PGM2L1: variants seen among roughly 807,000 people sequenced by gnomAD.
The protein encoded by PGM2L1 is phosphoglucomutase 2 like 1, also known as glucose 1,6-bisphosphate synthase.
A neutral mutation model predicts 73.4 loss-of-function variants in PGM2L1; 35 were observed. That is an observed-to-expected ratio of 0.48 (90% CI 0.36 to 0.63). The LOEUF (loss-of-function observed/expected upper bound fraction) is 0.63, where lower values mean the gene tolerates loss of function less well. PGM2L1 is among the 30% of genes least tolerant of loss of function. The probability of loss-of-function intolerance (pLI) is 0.00; values close to 1 mark genes in which losing one functional copy is unlikely to be tolerated. For missense variants in PGM2L1, 570 were observed against 742.0 expected (o/e 0.77, Z 2.69); for synonymous variants, 225 against 253.8 (o/e 0.89, Z 1.08).
intron 12 of PGM2L1, among the ~76,000 whole-genome samples, chr11:74,340,172 C>T (rs1862162069): frequency 6.6e-6 from 1 of 152,196 alleles, no homozygotes; most frequent in African/African-American, 2.4e-5. Flanking sequence ...AAGGCTTTGA[C>T]ACTTACTATG....
intron 1 of PGM2L1, among the ~76,000 whole-genome samples, chr11:74,391,315 T>A (rs1229526919): frequency 1.3e-5 from 2 of 152,052 alleles, no homozygotes; most frequent in Non-Finnish European, 2.9e-5. Context: ...AGCTTTTTAC[T>A]ATTTATGGCA....
chr11:74,343,265 G>T, intron 10 of PGM2L1, 58 bp downstream of exon 10: 1 of 1,513,502 alleles, frequency 6.6e-7, no homozygotes. Flanking sequence ...TCCTCCTACA[G>T]AATTACATTT....
intron 7 of PGM2L1, 89 bp from the exon 8 acceptor site, chr11:74,346,918 G>A (rs933400890): frequency 2.6e-6 from 3 of 1,136,904 alleles, no homozygotes; most frequent in Admixed American, 1.8e-5. Flanking sequence ...GTTAGTGATA[G>A]GAATTTTAGA....
intron 13 of PGM2L1, 69 bp downstream of exon 13, chr11:74,338,399 G>T: frequency 7.4e-7 from 1 of 1,359,442 alleles, no homozygotes; most frequent in Non-Finnish European, 9.9e-7. Context: ...AAGTGCGTGA[G>T]CTGTATGGTA....
Position 74,335,126 on chromosome 11 carries a change from CTT to C in PGM2L1, c.*1524_*1525del, listed in dbSNP as rs531316190. On this transcript the variant is annotated 3_prime_UTR_variant, in exon 14 of 14. Transcript: ENST00000298198. ...AGACTGCATGATTAGCCAAAAGTGACTTTTTTTTTTTTTGAGATGGAGTCTCC... is the reference window on the plus strand; with the variant it reads ...AGACTGCATGATTAGCCAAAAGTGACTTTTTTTTTTTGAGATGGAGTCTCC... The C allele has an allele frequency of 5.6e-5, 8 of 142,800 alleles. No individual in the cohort carries two copies. Among genetic ancestry groups the C allele is most frequent in the African/African-American group, 1.0e-4 (4 of 39,068 alleles). 8.8% of individuals were successfully genotyped at this position (142,800 alleles called of 1,614,324 possible).
At chr11:74,353,708 C>G (rs76667340) in intron 5 of PGM2L1, among the ~76,000 whole-genome samples, 1 of 104,054 alleles carries the variant, frequency 9.6e-6, no homozygotes, top group Non-Finnish European at 2.3e-5. Flanking sequence ...TAGTACAGAA[C>G]AAAATGGAGT....
chr11:74,368,427 C>T, intron 5 of PGM2L1, 65 bp downstream of exon 5: 4 of 1,380,024 alleles, frequency 2.9e-6, no homozygotes, highest in Non-Finnish European at 3.1e-6. Context: ...ACATACTCAA[C>T]ACATATTATT....
At chr11:74,358,471 G>C (rs185482489) in intron 5 of PGM2L1, among the ~76,000 whole-genome samples, 1 of 152,302 alleles carries the variant, frequency 6.6e-6, no homozygotes, top group Admixed American at 6.5e-5. Context: ...TAAAAGCTTT[G>C]ATAATACAAT....
chr11:74,397,916 A>G lies in PGM2L1; in HGVS notation c.111+135T>C, dbSNP rs1174936456. 2.2e-6 allele frequency: 3 copies of G among 1,351,978 alleles called. No individual in the cohort carries two copies. The East Asian group carries it at 8.4e-5, about 38-fold the overall frequency. 83.7% of individuals were successfully genotyped at this position (1,351,978 alleles called of 1,614,324 possible). A position where few individuals can be genotyped will look rare whatever the true frequency, so the allele number is the denominator to read the frequency against. ...CAACCCCACGCATAGGTGGGTGGCA[A>G]CGCCCTGCTCCGCTGCCCCCCGCTC... On this transcript the variant is annotated intron_variant, in intron 1 of 13. Coordinates refer to ENST00000298198, the MANE Select transcript of PGM2L1 (RefSeq NM_173582.6).
At chr11:74,397,745 A>ATT (rs71065081) in intron 1 of PGM2L1, 24,256 of 149,420 alleles carry the variant, frequency 0.16, 1,975 homozygotes, top group South Asian at 0.25. Context: ...AATGATGATG[A>ATT]TTTTTTTTTT....
At chr11:74,375,872 GAAT>G (rs1862846229) in intron 1 of PGM2L1, among the ~76,000 whole-genome samples, 1 of 152,084 alleles carries the variant, frequency 6.6e-6, no homozygotes, top group Non-Finnish European at 1.5e-5. Flanking sequence ...GGAAAAATAT[GAAT>G]AACAATATCT....
chr11:74,378,265 G>A (rs997751217), intron 1 of PGM2L1, among the ~76,000 whole-genome samples: 1 of 151,634 alleles, frequency 6.6e-6, no homozygotes, highest in African/African-American at 2.4e-5. Flanking sequence ...TTGCGCCACT[G>A]CACTCCAGCC....
chr11:74,345,545 T>C lies in PGM2L1; in HGVS notation c.1142A>G (p.Asn381Ser), dbSNP rs758240888. The C allele has an allele frequency of 1.5e-5, 25 of 1,613,452 alleles. 1 individual carries two copies. In the East Asian group the frequency reaches 5.3e-4, roughly 35 times the overall value. Reference sequence around the variant, plus strand: ...GACTGTGGTGGCTAACATATAAACGTTCTTCACATCAGCATTTCTTGATTT... The same window carrying C: ...GACTGTGGTGGCTAACATATAAACGCTCTTCACATCAGCATTTCTTGATTT... The part of the protein sequence containing the change: ...KNKSRNADVK[N>S]VYMLATTVSS... The change falls in exon 9 of 14, where the codon AAC becomes AGC. Residue 381 changes from asparagine to serine, a missense_variant. By Grantham distance (46) the Asn-to-Ser change is conservative. Coordinates refer to ENST00000298198, the MANE Select transcript of PGM2L1 (RefSeq NM_173582.6).
chr11:74,367,924 C>T (rs574605781), intron 5 of PGM2L1, among the ~76,000 whole-genome samples: 1 of 152,284 alleles, frequency 6.6e-6, no homozygotes, highest in African/African-American at 2.4e-5. Flanking sequence ...AGTCCTCCAA[C>T]ATAAGAAGAA....
Position 74,338,573 on chromosome 11 carries a change from A to G in PGM2L1, c.1661T>C (p.Met554Thr). ...SVLPVSKNSQMITFTFQNGCV... is the reference protein window; with the variant it reads ...SVLPVSKNSQTITFTFQNGCV... ...GCCATTTTGAAAAGTAAATGTAATC[A>G]TTTGGCTGTTTTTACTCACAGGCAG... is the stretch of plus-strand genomic sequence containing the variant. The change falls in exon 13 of 14, where the codon ATG (methionine) becomes ACG (threonine). Residue 554 changes from methionine to threonine, a missense_variant. Coordinates refer to ENST00000298198, the MANE Select transcript of PGM2L1 (RefSeq NM_173582.6). The G allele has an allele frequency of 6.2e-7, 1 of 1,605,264 alleles. No homozygotes were observed. The highest frequency in any genetic ancestry group is 8.5e-7 in the Non-Finnish European group (1 of 1,173,292).
chr11:74,333,449 T>C lies in PGM2L1; in HGVS notation c.*3203A>G, dbSNP rs1231038922. The C allele has an allele frequency of 6.6e-6, 1 of 152,222 alleles. No individual in the cohort carries two copies. The highest frequency in any genetic ancestry group is 2.4e-5 in the African/African-American group (1 of 41,466). The allele number at this position is 152,222 out of a possible 1,614,324, so 9.4% of individuals were successfully genotyped here. A position where few individuals can be genotyped will look rare whatever the true frequency, so the allele number is the denominator to read the frequency against. ...CCAGAGTCAAACAATCTTTATTCCTTGAACTTTTTCTCAGAAGTCTTATTT... is the reference window on the plus strand; with the variant it reads ...CCAGAGTCAAACAATCTTTATTCCTCGAACTTTTTCTCAGAAGTCTTATTT... On this transcript the variant is annotated 3_prime_UTR_variant, in exon 14 of 14. Transcript: ENST00000298198.
chr11:74,383,497 A>T (rs1862976263), intron 1 of PGM2L1, among the ~76,000 whole-genome samples: 1 of 152,114 alleles, frequency 6.6e-6, no homozygotes, highest in African/African-American at 2.4e-5. Context: ...TGTGCCAGTT[A>T]CATAGGTAAA....
intron 1 of PGM2L1, among the ~76,000 whole-genome samples, chr11:74,397,053 G>C (rs1158133507): frequency 6.6e-6 from 1 of 152,120 alleles, no homozygotes. Context: ...AATGAATAAA[G>C]TAAAAACAAA....
chr11:74,389,963 A>AAAAAG (rs1210093012), intron 1 of PGM2L1, among the ~76,000 whole-genome samples: 1 of 133,914 alleles, frequency 7.5e-6, no homozygotes, highest in Non-Finnish European at 1.6e-5. Context: ...AAAAAAAAAA[A>AAAAAG]AAAAAATTAG....
Sources: gnomAD v4.1 joint callset for allele counts (sites outside exome capture counted in the v4.1 genomes callset) on GRCh38, gnomAD v4.1.1 for gene constraint, MANE v1.5 for transcripts, NCBI Gene and HGNC (gene_info 2026-07-23, HGNC 2026-07-21) for gene names.